The following ELP4 variants were observed in gnomAD, a reference collection of about 807,000 sequenced individuals.
The protein encoded by ELP4 is elongator complex protein 4.
Under a neutral mutation model 48.9 loss-of-function variants are expected in ELP4, and 51 were observed. That is an observed-to-expected ratio of 1.04 (90% CI 0.83 to 1.32). The LOEUF (loss-of-function observed/expected upper bound fraction) is 1.32, where lower values mean the gene tolerates loss of function less well. ELP4 is among the 40% of genes most tolerant of loss of function. The probability of loss-of-function intolerance (pLI) is 0.00; values close to 1 mark genes in which losing one functional copy is unlikely to be tolerated. For missense variants in ELP4, 519 were observed against 514.6 expected, an observed-to-expected ratio of 1.01 and a Z score of -0.08; for synonymous variants, 210 against 189.2, an observed-to-expected ratio of 1.11 and a Z score of -0.90.
At chr11:31,681,887 CCCACCA>C in intron 9 of ELP4, 1 of 280,504 alleles carries the variant, frequency 3.6e-6, no homozygotes, top group South Asian at 2.8e-5. Context: ...ATTACAGGCG[CCCACCA>C]CCACACCCAG....
intron 2 of ELP4, among the ~76,000 whole-genome samples, chr11:31,521,322 G>T (rs1338812884): frequency 6.6e-6 from 1 of 151,450 alleles, no homozygotes; most frequent in African/African-American, 2.4e-5. Context: ...AACCTCAGAA[G>T]ATACTAAATA....
intron 3 of ELP4, among the ~76,000 whole-genome samples, chr11:31,576,019 C>T (rs1269389147): frequency 6.6e-6 from 1 of 152,150 alleles, no homozygotes; most frequent in East Asian, 1.9e-4. Context: ...AGTCAAGACC[C>T]ATCAGTGTGC....
intron 3 of ELP4, among the ~76,000 whole-genome samples, chr11:31,560,700 A>ATAAAACAACGTTGTT (rs1957007189): frequency 6.8e-6 from 1 of 147,644 alleles, no homozygotes; most frequent in Non-Finnish European, 1.5e-5. Flanking sequence ...TTATATATAT[A>ATAAAACAACGTTGTT]TAAAACAACG....
At chr11:31,559,986 TAA>T (rs60538761) in intron 3 of ELP4, among the ~76,000 whole-genome samples, 8 of 150,820 alleles carry the variant, frequency 5.3e-5, no homozygotes, top group African/African-American at 1.5e-4. Context: ...ATTTTCAAAT[TAA>T]AAAAAAATAA....
chr11:31,581,034 T>C (rs117532356), intron 3 of ELP4, among the ~76,000 whole-genome samples: 129 of 152,324 alleles, frequency 8.5e-4, no homozygotes, highest in Admixed American at 3.3e-3. Context: ...TCTATTGTTT[T>C]TTCTAGAGGT....
intron 9 of ELP4, among the ~76,000 whole-genome samples, chr11:31,743,997 A>T (rs1050717630): frequency 6.6e-6 from 1 of 152,210 alleles, no homozygotes; most frequent in Non-Finnish European, 1.5e-5. Context: ...ACCACTAGCA[A>T]GACCAATAAA....
At chr11:31,556,627 A>G (rs1187079701) in intron 3 of ELP4, among the ~76,000 whole-genome samples, 1 of 151,912 alleles carries the variant, frequency 6.6e-6, no homozygotes, top group Non-Finnish European at 1.5e-5. Context: ...GTCAGTTTTA[A>G]AACTTAATTT....
chr11:31,579,485 CAT>C, intron 3 of ELP4, among the ~76,000 whole-genome samples: 1 of 152,268 alleles, frequency 6.6e-6, no homozygotes, highest in East Asian at 1.9e-4. Context: ...CACATGCACA[CAT>C]ATGTTTATTG....
intron 2 of ELP4, among the ~76,000 whole-genome samples, chr11:31,531,808 G>A (rs959795986): frequency 1.3e-5 from 2 of 152,190 alleles, no homozygotes; most frequent in East Asian, 3.8e-4. Context: ...CTTGAGTAAT[G>A]TGGAGAATAG....
chr11:31,576,048 C>T (rs1223484810), intron 3 of ELP4, among the ~76,000 whole-genome samples: 3 of 152,152 alleles, frequency 2.0e-5, no homozygotes, highest in African/African-American at 7.2e-5. Context: ...GGAGACCCAT[C>T]TCACATGCAG....
intron 2 of ELP4, among the ~76,000 whole-genome samples, chr11:31,520,977 T>C (rs888755791): frequency 2.0e-5 from 3 of 152,016 alleles, no homozygotes; most frequent in African/African-American, 7.2e-5. Context: ...ACTGGGACTA[T>C]AAAATAAATA....
At chr11:31,745,925 A>C (rs1947578540) in intron 9 of ELP4, among the ~76,000 whole-genome samples, 1 of 152,232 alleles carries the variant, frequency 6.6e-6, no homozygotes, top group African/African-American at 2.4e-5. Context: ...TCTGCACAGC[A>C]AAAGAAACTA....
chr11:31,752,284 AAAC>A (rs1222532065), intron 9 of ELP4, among the ~76,000 whole-genome samples: 1 of 135,660 alleles, frequency 7.4e-6, no homozygotes, highest in Admixed American at 7.2e-5. Flanking sequence ...TAATTTTAAA[AAAC>A]AAATTTCCTA....
At chr11:31,603,698 G>T in intron 4 of ELP4, 70 bp from the exon 5 acceptor site, 1 of 1,492,058 alleles carries the variant, frequency 6.7e-7, no homozygotes, top group Non-Finnish European at 9.1e-7. Context: ...TTGTTTTGCT[G>T]GATGTAGGAC....
chr11:31,544,216 CG>C (rs1441974093), intron 3 of ELP4, among the ~76,000 whole-genome samples: 1 of 152,246 alleles, frequency 6.6e-6, no homozygotes, highest in African/African-American at 2.4e-5. Context: ...ACTCGGGAAG[CG>C]CAAAGGGTCA....
chr11:31,666,104 G>T (rs567165673), intron 9 of ELP4, among the ~76,000 whole-genome samples: 29 of 149,446 alleles, frequency 1.9e-4, no homozygotes, highest in African/African-American at 6.7e-4. Flanking sequence ...TGCCTCCTGG[G>T]TTCAAGCAAT....
intron 5 of ELP4, among the ~76,000 whole-genome samples, chr11:31,616,268 A>T (rs1444681605): frequency 6.6e-6 from 1 of 152,124 alleles, no homozygotes; most frequent in East Asian, 1.9e-4. Context: ...TAGATAGCCC[A>T]AAAATAAATT....
intron 6 of ELP4, chr11:31,628,303 G>A (rs865799882): frequency 6.6e-6 from 1 of 152,056 alleles, no homozygotes; most frequent in Non-Finnish European, 1.5e-5. Context: ...TGGTAACTAT[G>A]GAAACAGGCA....
chr11:31,704,454 A>C (rs1946588380), intron 9 of ELP4, among the ~76,000 whole-genome samples: 1 of 151,798 alleles, frequency 6.6e-6, no homozygotes, highest in Admixed American at 6.6e-5. Context: ...ACTTGGACAC[A>C]GGAAGGGGAA....
Sources: gnomAD v4.1 joint callset for allele counts (sites outside exome capture counted in the v4.1 genomes callset) on GRCh38, gnomAD v4.1.1 for gene constraint, MANE v1.5 for transcripts, NCBI Gene and HGNC (gene_info 2026-07-23, HGNC 2026-07-21) for gene names.